Variants in RAP1GAP2 observed in about 807,000 individuals in gnomAD.
RAP1GAP2 encodes rap1 GTPase-activating protein 2.
RAP1GAP2 carries 27 observed loss-of-function variants against 95.0 expected under a neutral mutation model. That is an observed-to-expected ratio of 0.28 (90% CI 0.21 to 0.39). RAP1GAP2 has a LOEUF of 0.39. RAP1GAP2 is among the 10% of genes least tolerant of loss of function. RAP1GAP2 has a pLI of 1.00. For synonymous variants in RAP1GAP2, 373 were observed against 380.9 expected (o/e 0.98, Z 0.24); for missense variants, 771 against 970.0 (o/e 0.79, Z 2.72).
chr17:2,798,750 C>T (rs962986925), intron 1 of RAP1GAP2, among the ~76,000 whole-genome samples: 7 of 152,200 alleles, frequency 4.6e-5, no homozygotes, highest in African/African-American at 1.7e-4. Flanking sequence ...ATCTCAGCCT[C>T]TCCAAAACCA....
Position 2,941,434 on chromosome 17 carries a change from T to C in RAP1GAP2, c.166-16325T>C, listed in dbSNP as rs376073514. Among the ~76,000 whole-genome samples the C allele has an allele frequency of 6.7e-5, 10 of 149,450 alleles. 1 individual carries two copies. Among genetic ancestry groups the C allele is most frequent in the East Asian group, 1.9e-4 (1 of 5,158 alleles). On this transcript the variant is annotated intron_variant, in intron 3 of 24. Coordinates refer to ENST00000254695, the MANE Select transcript of RAP1GAP2 (RefSeq NM_015085.5). ...AACATAAATTAAAAATAAAATGAAA[T>C]AAAAACAACAAAAACAAAAAAAAGA...
intron 3 of RAP1GAP2, among the ~76,000 whole-genome samples, chr17:2,920,017 T>C (rs943381862): frequency 1.3e-5 from 2 of 150,438 alleles, no homozygotes; most frequent in African/African-American, 2.4e-5. Context: ...TTTCTTTTTT[T>C]TTTTTTTTTG....
At chr17:3,023,045 AATGTG>A (rs1248735674) in intron 19 of RAP1GAP2, among the ~76,000 whole-genome samples, 1 of 152,212 alleles carries the variant, frequency 6.6e-6, no homozygotes, top group African/African-American at 2.4e-5. Flanking sequence ...CTGTATGGTT[AATGTG>A]ATGTATCACA....
In RAP1GAP2 at chr17:2,797,328, C is replaced by T. The variant is rs1449582386; in HGVS notation, c.44+757C>T. Reference sequence around the variant, plus strand: ...TGAGGGATGTGCTTTTTCTTCCCGGCGGGGGGCAGAAGGTAGGCACACGAA... The same window carrying T: ...TGAGGGATGTGCTTTTTCTTCCCGGTGGGGGGCAGAAGGTAGGCACACGAA... On this transcript the variant is annotated intron_variant, in intron 1 of 24. Coordinates refer to ENST00000254695, the MANE Select transcript of RAP1GAP2 (RefSeq NM_015085.5). The surrounding 1 kb of genome is among the most constrained non-coding windows in gnomAD (Gnocchi z 5.6). Among the ~76,000 whole-genome samples the T allele has an allele frequency of 6.6e-6, 1 of 152,116 alleles. No individual in the cohort carries two copies. Among genetic ancestry groups the T allele is most frequent in the Non-Finnish European group, 1.5e-5 (1 of 68,002 alleles).
At chr17:2,810,430 A>G (rs1156440947) in intron 2 of RAP1GAP2, among the ~76,000 whole-genome samples, 1 of 149,542 alleles carries the variant, frequency 6.7e-6, no homozygotes, top group Non-Finnish European at 1.5e-5. Flanking sequence ...TTACATATGT[A>G]TACATGTGCC....
intron 3 of RAP1GAP2, among the ~76,000 whole-genome samples, chr17:2,940,958 A>G (rs2043471258): frequency 6.6e-6 from 1 of 152,128 alleles, no homozygotes; most frequent in African/African-American, 2.4e-5. Context: ...CTCAGGCTGC[A>G]CCGCCATGGG....
intron 3 of RAP1GAP2, among the ~76,000 whole-genome samples, chr17:2,941,712 A>G (rs1345969477): frequency 7.1e-6 from 1 of 141,158 alleles, no homozygotes; most frequent in African/African-American, 2.6e-5. Flanking sequence ...CTTGTCGCCC[A>G]GGCTGGAGTG....
At chr17:2,956,148 C>T (rs967019382) in intron 3 of RAP1GAP2, among the ~76,000 whole-genome samples, 4 of 152,226 alleles carry the variant, frequency 2.6e-5, no homozygotes, top group African/African-American at 4.8e-5. Context: ...GAATGCCCCG[C>T]GTGGGTGGTG....
At position 2,867,002 on chromosome 17, in the gene RAP1GAP2, A is replaced by G. The variant is rs1431588062; in HGVS notation, c.81-38282A>G. 6.6e-6 allele frequency among the ~76,000 whole-genome samples: 1 copy of G among 151,784 alleles called. No homozygotes were observed. Among genetic ancestry groups the G allele is most frequent in the African/African-American group, 2.4e-5 (1 of 41,292 alleles). On this transcript the variant is annotated intron_variant, in intron 2 of 24. Coordinates refer to ENST00000254695, the MANE Select transcript of RAP1GAP2 (RefSeq NM_015085.5). This position sits in a 1 kb window ranked among gnomAD's most constrained non-coding sequence, Gnocchi z 4.5. ...TGCAACCTCCACCTCTCAGGTTCGA[A>G]TGATTCTTCTGCCTCATTCTCCCAA...
chr17:2,756,259 G>C (rs1218906036), intron 1 of RAP1GAP2, among the ~76,000 whole-genome samples: 1 of 152,254 alleles, frequency 6.6e-6, no homozygotes, highest in Non-Finnish European at 1.5e-5. Context: ...GAGCCCCTGG[G>C]GGTGTGCACT....
intron 8 of RAP1GAP2, among the ~76,000 whole-genome samples, chr17:2,969,465 AG>A (rs1304482108): frequency 3.5e-4 from 53 of 150,260 alleles, no homozygotes; most frequent in African/African-American, 1.3e-3. Context: ...TAAATAAATA[AG>A]ATATGTAAAG....
At chr17:2,945,852 CA>C (rs2043680340) in intron 3 of RAP1GAP2, among the ~76,000 whole-genome samples, 1 of 151,740 alleles carries the variant, frequency 6.6e-6, no homozygotes, top group East Asian at 1.9e-4. Flanking sequence ...TACAGTGGCA[CA>C]ATCTGGGCTC....
rs1295050670 is a variant in RAP1GAP2, at chr17:2,972,616, AAAAG to A, written c.596+6974_596+6977del. 4.4e-3 allele frequency among the ~76,000 whole-genome samples: 657 copies of A among 150,600 alleles called. 4 individuals carry two copies. The highest frequency in any genetic ancestry group is 0.015 in the African/African-American group (616 of 40,196). ...TCCTTCTCAAAAAAAAAAAAAAAAA[AAAAG>A]GATCTTTTTGAATAAAATCAGTCAA... On this transcript the variant is annotated intron_variant, in intron 8 of 24. Transcript: ENST00000254695.
At position 3,032,251 on chromosome 17, in the gene RAP1GAP2, A is replaced by G. The variant is rs144427758; in HGVS notation, c.2185-160A>G. Among the ~76,000 whole-genome samples the G allele has an allele frequency of 1.3e-3, 162 of 126,848 alleles. 2 individuals carry two copies. Among genetic ancestry groups the G allele is most frequent in the East Asian group, 0.011 (44 of 3,986 alleles). The allele number at this position is 126,848 out of a possible 152,430, so 83.2% of individuals were successfully genotyped here. On this transcript the variant is annotated intron_variant, in intron 23 of 24. Coordinates refer to ENST00000254695, the MANE Select transcript of RAP1GAP2 (RefSeq NM_015085.5). ...TTCTGAGCTCGCCAGACTATCGAGA[A>G]CTCCAGGTCCAGATGTGAGGTGGGA...
chr17:2,881,509 C>T (rs1039886851), intron 2 of RAP1GAP2, among the ~76,000 whole-genome samples: 1 of 152,094 alleles, frequency 6.6e-6, no homozygotes, highest in Non-Finnish European at 1.5e-5. Context: ...AATAATGTTC[C>T]TTTGTGTTGG....
intron 2 of RAP1GAP2, among the ~76,000 whole-genome samples, chr17:2,828,646 G>C (rs2070695221): frequency 6.6e-6 from 1 of 152,180 alleles, no homozygotes; most frequent in South Asian, 2.1e-4. Flanking sequence ...GGGCATGGCT[G>C]GGAGAGCAGG....
At chr17:2,874,815 T>C (rs1237086774) in intron 2 of RAP1GAP2, among the ~76,000 whole-genome samples, 1 of 152,146 alleles carries the variant, frequency 6.6e-6, no homozygotes, top group Non-Finnish European at 1.5e-5. Flanking sequence ...TTCTCACCAA[T>C]GCCCAGCAGC....
chr17:2,956,161 T>C (rs922543513), intron 3 of RAP1GAP2, among the ~76,000 whole-genome samples: 1 of 152,356 alleles, frequency 6.6e-6, no homozygotes, highest in Non-Finnish European at 1.5e-5. Flanking sequence ...GGGTGGTGCA[T>C]GTGCACCTGA....
At chr17:2,970,656 A>C (rs569980285) in intron 8 of RAP1GAP2, among the ~76,000 whole-genome samples, 2 of 152,216 alleles carry the variant, frequency 1.3e-5, no homozygotes, top group Non-Finnish European at 2.9e-5. Flanking sequence ...ACATCTCTTC[A>C]TATATTTAAG....
Sources: allele counts gnomAD v4.1 joint callset (sites outside exome capture counted in the v4.1 genomes callset), GRCh38; gene constraint gnomAD v4.1.1; non-coding constraint Gnocchi (gnomAD v3.1); transcripts MANE v1.5; gene names NCBI Gene and HGNC (gene_info 2026-07-23, HGNC 2026-07-21).